Variants in ACBD6 observed in about 807,000 individuals in gnomAD.
The protein encoded by ACBD6 is acyl-CoA-binding domain-containing protein 6.
In ACBD6, 28 loss-of-function variants were observed where a neutral mutation model predicts 37.2. The observed-to-expected ratio is 0.75, with a 90% CI of 0.56 to 1.03. The LOEUF (loss-of-function observed/expected upper bound fraction) is 1.03. ACBD6 is among the 50% of genes least tolerant of loss of function. The pLI is 0.00. For synonymous variants in ACBD6, 113 were observed against 126.8 expected (o/e 0.89, Z 0.73); for missense variants, 340 against 337.4 (o/e 1.01, Z -0.06).
chr1:180,458,066 G>A (rs555820874), intron 3 of ACBD6, among the ~76,000 whole-genome samples: 24 of 152,252 alleles, frequency 1.6e-4, no homozygotes, highest in Non-Finnish European at 2.8e-4. Flanking sequence ...AAAGTGCTGG[G>A]ATTACAGGTG....
At chr1:180,475,183 C>T (rs1195743116) in intron 3 of ACBD6, among the ~76,000 whole-genome samples, 2 of 152,168 alleles carry the variant, frequency 1.3e-5, no homozygotes. Context: ...AATAACTGTG[C>T]ATATTTAAAT....
chr1:180,360,399 G>A (rs1247387456), intron 6 of ACBD6, among the ~76,000 whole-genome samples: 1 of 152,134 alleles, frequency 6.6e-6, no homozygotes, highest in Non-Finnish European at 1.5e-5. Flanking sequence ...CTAATCCAGA[G>A]GTATCTCTTT....
chr1:180,336,686 G>C (rs1018964450), intron 6 of ACBD6, among the ~76,000 whole-genome samples: 3 of 151,712 alleles, frequency 2.0e-5, no homozygotes, highest in African/African-American at 7.3e-5. Context: ...AGGAGATAGA[G>C]ACACAAAAAA....
At chr1:180,484,899 ACT>A (rs1651199344) in intron 3 of ACBD6, among the ~76,000 whole-genome samples, 1 of 151,930 alleles carries the variant, frequency 6.6e-6, no homozygotes, top group Non-Finnish European at 1.5e-5. Context: ...CCCCGTCTCT[ACT>A]AAAAATACAA....
intron 7 of ACBD6, among the ~76,000 whole-genome samples, chr1:180,293,040 G>A (rs1649777220): frequency 6.6e-6 from 1 of 152,112 alleles, no homozygotes; most frequent in Non-Finnish European, 1.5e-5. Flanking sequence ...GTTCTCAATT[G>A]CCAAACAAAC....
intron 4 of ACBD6, among the ~76,000 whole-genome samples, chr1:180,424,451 G>C (rs1417642864): frequency 1.3e-5 from 2 of 151,972 alleles, no homozygotes. Context: ...GAACTTCAAG[G>C]AAAAAAATAA....
At chr1:180,428,215 C>T (rs770970881) in intron 4 of ACBD6, among the ~76,000 whole-genome samples, 1 of 151,910 alleles carries the variant, frequency 6.6e-6, no homozygotes, top group Non-Finnish European at 1.5e-5. Context: ...GAAAAAAAGG[C>T]CAAGTCTAAC....
At chr1:180,468,746 C>T (rs1571550619) in intron 3 of ACBD6, among the ~76,000 whole-genome samples, 1 of 152,188 alleles carries the variant, frequency 6.6e-6, no homozygotes, top group Non-Finnish European at 1.5e-5. Flanking sequence ...ATATTTAAGG[C>T]TATCAGTTAG....
At chr1:180,298,970 T>A (rs1418676811) in intron 7 of ACBD6, among the ~76,000 whole-genome samples, 3 of 152,232 alleles carry the variant, frequency 2.0e-5, no homozygotes, top group African/African-American at 7.2e-5. Flanking sequence ...TTGAGAGGCA[T>A]CCATTATGTT....
intron 6 of ACBD6, among the ~76,000 whole-genome samples, chr1:180,392,019 T>G (rs1654095476): frequency 1.3e-5 from 2 of 152,174 alleles, no homozygotes; most frequent in East Asian, 1.9e-4. Context: ...TCACAAATGT[T>G]ATGTTGAACA....
chr1:180,278,188 TGAG>T (rs551630759), intron 9 of ACBD6: 36 of 152,326 alleles, frequency 2.4e-4, no homozygotes, highest in African/African-American at 8.4e-4. Context: ...CTGGAAGGCC[TGAG>T]GAGGCTCATT....
chr1:180,364,128 T>A (rs565449864), intron 6 of ACBD6, among the ~76,000 whole-genome samples: 1 of 152,346 alleles, frequency 6.6e-6, no homozygotes, highest in East Asian at 1.9e-4. Context: ...AGAAACTCTA[T>A]AACTTGTCTG....
chr1:180,313,703 G>C (rs752635291), intron 7 of ACBD6, among the ~76,000 whole-genome samples: 7 of 152,116 alleles, frequency 4.6e-5, no homozygotes, highest in Non-Finnish European at 7.3e-5. Context: ...CACCCAAATA[G>C]AATCTTTTTT....
chr1:180,334,426 A>G lies in ACBD6; in HGVS notation c.664-19704T>C, dbSNP rs557631673. Among the ~76,000 whole-genome samples, 124 of 152,330 alleles carry G rather than the reference A, an allele frequency of 8.1e-4. 1 individual carries two copies. The highest frequency in any genetic ancestry group is 2.8e-3 in the African/African-American group (118 of 41,570). ...ACAGGGTCTGGAGTGGACCTCCAGT[A>G]AACTCCTACAGACCTGCAGCTGAAG... On this transcript the variant is annotated intron_variant, in intron 6 of 7. Transcript: ENST00000367595.
chr1:180,293,359 TG>T (rs1345882723), intron 7 of ACBD6, among the ~76,000 whole-genome samples: 1 of 148,618 alleles, frequency 6.7e-6, no homozygotes, highest in East Asian at 2.0e-4. Context: ...AGTGCAATGG[TG>T]CAAATGGCAT....
At chr1:180,490,183 A>T (rs1392059082) in intron 3 of ACBD6, among the ~76,000 whole-genome samples, 1 of 152,210 alleles carries the variant, frequency 6.6e-6, no homozygotes, top group Non-Finnish European at 1.5e-5. Flanking sequence ...TTTCATTTCT[A>T]AACATTGTGC....
intron 4 of ACBD6, among the ~76,000 whole-genome samples, chr1:180,427,552 C>A (rs1648633212): frequency 6.6e-6 from 1 of 152,170 alleles, no homozygotes; most frequent in South Asian, 2.1e-4. Context: ...TTCATTGTTG[C>A]AATTGCATTC....
Position 180,364,506 on chromosome 1 carries a change from T to C in ACBD6, c.663+33010A>G, listed in dbSNP as rs112125529. The stretch of plus-strand genomic sequence containing the variant: ...GGAGATACAACTTTTCTTCATAGTT[T>C]TAAGAGTCAGAACTAAAACGAGAGT... On this transcript the variant is annotated intron_variant, in intron 6 of 7. Coordinates refer to ENST00000367595, the MANE Select transcript of ACBD6 (RefSeq NM_032360.4). Among the ~76,000 whole-genome samples, 308 of 152,290 alleles carry C rather than the reference T, an allele frequency of 2.0e-3. 4 individuals carry two copies. Among genetic ancestry groups the C allele is most frequent in the African/African-American group, 7.0e-3 (289 of 41,548 alleles).
intron 3 of ACBD6, among the ~76,000 whole-genome samples, chr1:180,441,608 GGTTTTT>G (rs778650078): frequency 7.2e-5 from 11 of 152,096 alleles, no homozygotes; most frequent in South Asian, 2.1e-4. Context: ...AAAATTCCCA[GGTTTTT>G]GTTTTTAATT....
Sources: gnomAD v4.1 joint callset for allele counts (sites outside exome capture counted in the v4.1 genomes callset) on GRCh38, gnomAD v4.1.1 for gene constraint, MANE v1.5 for transcripts, NCBI Gene and HGNC (gene_info 2026-07-23, HGNC 2026-07-21) for gene names.